EXD3: variants seen among roughly 807,000 people sequenced by gnomAD.
EXD3 encodes exonuclease 3'-5' domain containing 3.
Under a neutral mutation model 98.0 loss-of-function variants are expected in EXD3, and 92 were observed. The ratio of observed to expected loss-of-function variants is 0.94; its 90% CI spans 0.79 to 1.12. The LOEUF (loss-of-function observed/expected upper bound fraction) is 1.12. Among genes scored for constraint, EXD3 ranks in the 50% most tolerant of loss-of-function variants. The probability of loss-of-function intolerance (pLI) is 0.00; values close to 1 mark genes in which losing one functional copy is unlikely to be tolerated. For missense variants in EXD3, 1,222 were observed against 1,191.6 expected, an observed-to-expected ratio of 1.03 and a Z score of -0.38; for synonymous variants, 569 against 526.0, an observed-to-expected ratio of 1.08 and a Z score of -1.12.
At chr9:137,352,306 C>T (rs1191290048) in intron 11 of EXD3, 105 bp from the exon 12 acceptor site, 2 of 1,481,708 alleles carry the variant, frequency 1.3e-6, no homozygotes, top group East Asian at 4.5e-5. Context: ...GGGGGCATCT[C>T]AGGTCCTGGC....
intron 1 of EXD3, among the ~76,000 whole-genome samples, chr9:137,408,705 T>G (rs1233586003): frequency 1.3e-5 from 2 of 152,000 alleles, no homozygotes; most frequent in Non-Finnish European, 2.9e-5. Flanking sequence ...CTGGGGGCCT[T>G]TTATCTGCGT....
At chr9:137,362,933 C>T (rs1835059209) in intron 7 of EXD3, among the ~76,000 whole-genome samples, 1 of 152,020 alleles carries the variant, frequency 6.6e-6, no homozygotes, top group South Asian at 2.1e-4. Flanking sequence ...GCCTCAGCCT[C>T]CTGAGTAGCT....
chr9:137,411,724 TGGGGGA>T (rs1166913672), intron 1 of EXD3, among the ~76,000 whole-genome samples: 1 of 50,666 alleles, frequency 2.0e-5, no homozygotes, highest in African/African-American at 7.3e-5. Context: ...GGGGGATGGG[TGGGGGA>T]GGGGGAGGGG....
chr9:137,329,052 GGCT>G (rs1380169633), intron 17 of EXD3, among the ~76,000 whole-genome samples: 1 of 40,936 alleles, frequency 2.4e-5, no homozygotes, highest in Non-Finnish European at 4.1e-5. Flanking sequence ...GGCTACACGG[GGCT>G]ACACGGGAGC....
In EXD3 at chr9:137,395,158, G is replaced by A. The variant is rs1837144364; in HGVS notation, c.55+145C>T. ...CGGACTCACAAGGTCCCAAGCCGTG[G>A]ACACTGTAGAGAGGCCCGCAGCTAG... On this transcript the variant is annotated intron_variant, in intron 2 of 21. Coordinates refer to ENST00000340951, the MANE Select transcript of EXD3 (RefSeq NM_017820.5). The surrounding 1 kb of genome is among the most constrained non-coding windows in gnomAD (Gnocchi z 6.5). 2.7e-6 allele frequency: 2 copies of A among 731,528 alleles called. No homozygotes were observed. The highest frequency in any genetic ancestry group is 1.6e-5 in the South Asian group (1 of 62,280). 45.3% of individuals were successfully genotyped at this position (731,528 alleles called of 1,614,324 possible).
chr9:137,366,124 T>C, intron 7 of EXD3: 1 of 697,624 alleles, frequency 1.4e-6, no homozygotes. Flanking sequence ...CTGTAATTGC[T>C]GACAGACGTC....
At chr9:137,416,090 C>T (rs1015841530) in intron 1 of EXD3, among the ~76,000 whole-genome samples, 1 of 152,224 alleles carries the variant, frequency 6.6e-6, no homozygotes, top group Admixed American at 6.5e-5. Context: ...GGGATCTTAG[C>T]CTTAGCACCT....
chr9:137,389,684 G>A (rs1052448396), intron 2 of EXD3, among the ~76,000 whole-genome samples: 5 of 152,116 alleles, frequency 3.3e-5, no homozygotes, highest in African/African-American at 9.7e-5. Context: ...CCAGCAAGGA[G>A]CTGGGACGCT....
At position 137,393,869 on chromosome 9, in the gene EXD3, G is replaced by C. The variant is rs765536807; in HGVS notation, c.55+1434C>G. 6.6e-6 allele frequency among the ~76,000 whole-genome samples: 1 copy of C among 152,152 alleles called. No homozygotes were observed. Among genetic ancestry groups the C allele is most frequent in the African/African-American group, 2.4e-5 (1 of 41,432 alleles). On this transcript the variant is annotated intron_variant, in intron 2 of 21. Transcript: ENST00000340951. The surrounding 1 kb of genome is among the most constrained non-coding windows in gnomAD (Gnocchi z 4.6). ...AAACTGAGGGCCTGCAGCCCAGGGC[G>C]AGGCGGCTGGGCCAGGGCCTTACAG...
rs527772431 is a variant in EXD3, at chr9:137,347,362, G to A, written c.1998+709C>T. The stretch of plus-strand genomic sequence containing the variant: ...TTGGACTGAGGTTTCCTTGTGCGGC[G>A]TCCTCCATCTTCAAGCCAACAATGG... On this transcript the variant is annotated intron_variant, in intron 17 of 21. Transcript: ENST00000340951. This position sits in a 1 kb window ranked among gnomAD's most constrained non-coding sequence, Gnocchi z 4.2. 2.6e-4 allele frequency among the ~76,000 whole-genome samples: 39 copies of A among 152,238 alleles called. No individual in the cohort carries two copies. Among genetic ancestry groups the A allele is most frequent in the African/African-American group, 5.8e-4 (24 of 41,570 alleles).
intron 19 of EXD3, among the ~76,000 whole-genome samples, chr9:137,321,236 C>T (rs893338344): frequency 6.6e-6 from 1 of 152,248 alleles, no homozygotes; most frequent in Non-Finnish European, 1.5e-5. Flanking sequence ...AGGCCTGCAT[C>T]TGTTTCTGCT....
chr9:137,387,250 G>A (rs1226382712), intron 2 of EXD3, among the ~76,000 whole-genome samples: 2 of 151,916 alleles, frequency 1.3e-5, no homozygotes, highest in South Asian at 2.1e-4. Context: ...TGACCGCCTG[G>A]GTCTCCTTCC....
intron 1 of EXD3, among the ~76,000 whole-genome samples, chr9:137,421,106 A>G (rs1838492835): frequency 6.6e-6 from 1 of 152,172 alleles, no homozygotes; most frequent in South Asian, 2.1e-4. Context: ...ATGAGCCACC[A>G]TGCCCAGCCC....
chr9:137,395,821 C>T lies in EXD3; in HGVS notation c.-47-417G>A, dbSNP rs908931780. Among the ~76,000 whole-genome samples the T allele has an allele frequency of 1.4e-4, 21 of 152,146 alleles. No individual in the cohort carries two copies. The highest frequency in any genetic ancestry group is 6.5e-4 in the Admixed American group (10 of 15,278). ...GGTGCTCTCCTCCAGAGGGCAAGGG[C>T]GCCTGCAGGACCAGGGACCTCGGAG... On this transcript the variant is annotated intron_variant, in intron 1 of 21. Transcript: ENST00000340951. This position sits in a 1 kb window ranked among gnomAD's most constrained non-coding sequence, Gnocchi z 6.5.
intron 3 of EXD3, among the ~76,000 whole-genome samples, chr9:137,376,343 CAAAAAAAAAAAAAA>C (rs765888922): frequency 1.0e-4 from 4 of 39,960 alleles, no homozygotes; most frequent in Non-Finnish European, 2.0e-4. Flanking sequence ...GACTCTGTCT[CAAAAAAAAAAAAAA>C]AAAAAAAAAA....
At chr9:137,316,595 G>A (rs1354714806) in intron 19 of EXD3, among the ~76,000 whole-genome samples, 1 of 152,234 alleles carries the variant, frequency 6.6e-6, no homozygotes, top group African/African-American at 2.4e-5. Context: ...CTCCAGGAGC[G>A]GTGATGGTCC....
At chr9:137,392,701 C>T (rs914547529) in intron 2 of EXD3, 1 of 343,640 alleles carries the variant, frequency 2.9e-6, no homozygotes, top group African/African-American at 2.4e-5. Flanking sequence ...TGTGTCTGTT[C>T]TGGGGGGGCT....
intron 19 of EXD3, among the ~76,000 whole-genome samples, chr9:137,318,266 C>T (rs1831811553): frequency 6.6e-6 from 1 of 152,120 alleles, no homozygotes; most frequent in African/African-American, 2.4e-5. Flanking sequence ...CCCCAGGGTC[C>T]CTGCCCAGCC....
Position 137,395,255 on chromosome 9 carries a change from TC to T in EXD3, c.55+47del. 4.5e-6 allele frequency: 6 copies of T among 1,321,620 alleles called. No individual in the cohort carries two copies. The highest frequency in any genetic ancestry group is 1.2e-5 in the South Asian group (1 of 86,340). 81.9% of individuals were successfully genotyped at this position (1,321,620 alleles called of 1,614,324 possible). A position where few individuals can be genotyped will look rare whatever the true frequency, so the allele number is the denominator to read the frequency against. On this transcript the variant is annotated intron_variant, in intron 2 of 21. Coordinates refer to ENST00000340951, the MANE Select transcript of EXD3 (RefSeq NM_017820.5). The surrounding 1 kb of genome is among the most constrained non-coding windows in gnomAD (Gnocchi z 6.5). The stretch of plus-strand genomic sequence containing the variant: ...CACCCCCCATGCACACCCACGCACC[TC>T]CCCCCACAGCCCCAGGGAGACTCGG...
Sources: gnomAD v4.1 joint callset for allele counts (sites outside exome capture counted in the v4.1 genomes callset) on GRCh38, gnomAD v4.1.1 for gene constraint, Gnocchi (gnomAD v3.1) non-coding constraint, MANE v1.5 for transcripts, NCBI Gene and HGNC (gene_info 2026-07-23, HGNC 2026-07-21) for gene names.